Variants in BCOR observed in about 807,000 individuals in gnomAD.
The protein encoded by BCOR is BCL-6 corepressor.
Under a neutral mutation model 86.7 loss-of-function variants are expected in BCOR, and 10 were observed. The ratio of observed to expected loss-of-function variants is 0.12; its 90% CI spans 0.07 to 0.20. The LOEUF (loss-of-function observed/expected upper bound fraction) is 0.20. Among genes scored for constraint, BCOR ranks in the 10% least tolerant of loss-of-function variants. BCOR has a pLI of 1.00. For synonymous variants in BCOR, 611 were observed against 609.0 expected, an observed-to-expected ratio of 1.00 and a Z score of -0.05; for missense variants, 1,259 against 1,452.1, an observed-to-expected ratio of 0.87 and a Z score of 2.16.
chrX:40,158,084 T>C (rs1302831720), intron 1 of BCOR, among the ~76,000 whole-genome samples: 1 of 111,884 alleles, frequency 8.9e-6, no homozygotes, highest in African/African-American at 3.2e-5. Context: ...CACCCAGTGG[T>C]CCCCGCTGGT....
intron 1 of BCOR, among the ~76,000 whole-genome samples, chrX:40,157,055 G>C (rs931013077): frequency 6.2e-5 from 7 of 113,664 alleles, no homozygotes; most frequent in African/African-American, 1.9e-4. Flanking sequence ...CCTGGCTACA[G>C]TTTAGAAGTC....
intron 1 of BCOR, among the ~76,000 whole-genome samples, chrX:40,112,322 A>T (rs1937325798): frequency 9.0e-6 from 1 of 110,671 alleles, no homozygotes; most frequent in Non-Finnish European, 1.9e-5. Context: ...CCAAATCCCC[A>T]TATCAAACTT....
intron 1 of BCOR, among the ~76,000 whole-genome samples, chrX:40,157,358 C>T (rs188114156): frequency 1.8e-5 from 2 of 111,613 alleles, no homozygotes; most frequent in Admixed American, 1.9e-4. Flanking sequence ...AACAAAGTGC[C>T]GGGGGCTGCC....
At chrX:40,149,464 C>T (rs1310671585) in intron 1 of BCOR, among the ~76,000 whole-genome samples, 1 of 111,154 alleles carries the variant, frequency 9.0e-6, no homozygotes, top group Admixed American at 9.6e-5. Flanking sequence ...CTGAGCCCAG[C>T]GCCAGGGGAA....
chrX:40,083,844 C>A (rs1936227878), intron 1 of BCOR, among the ~76,000 whole-genome samples: 1 of 112,046 alleles, frequency 8.9e-6, no homozygotes, highest in Non-Finnish European at 1.9e-5. Flanking sequence ...AGTTCCCGAC[C>A]CTAGGTAACC....
At chrX:40,120,161 G>A (rs1244459267) in intron 1 of BCOR, among the ~76,000 whole-genome samples, 2 of 111,140 alleles carry the variant, frequency 1.8e-5, no homozygotes, top group South Asian at 3.7e-4. Flanking sequence ...GAGTGAAAGC[G>A]TGGAGTTGGC....
At chrX:40,105,497 C>G (rs1296708170) in intron 1 of BCOR, among the ~76,000 whole-genome samples, 2 of 112,106 alleles carry the variant, frequency 1.8e-5, no homozygotes, top group African/African-American at 6.5e-5. Flanking sequence ...CGGTGTAAGC[C>G]GAGAGGACCC....
Position 40,052,217 on chromosome X carries a change from A to G in BCOR, c.5160T>C (p.Ser1720=). ...ATTCCACCAGATCTAACAGCTCCTT[A>G]CTTTCAGGGTTGAAGGCTTCCAGGT... is the stretch of plus-strand genomic sequence containing the variant. The part of the protein sequence containing the change: ...SKDLEAFNPE[S]KELLDLVEFT... The change falls in exon 15 of 15, where the codon AGT becomes AGC. Residue 1720 remains serine (S), a synonymous_variant. Coordinates refer to ENST00000378444, the MANE Select transcript of BCOR (RefSeq NM_001123385.2). The G allele has an allele frequency of 1.7e-6, 2 of 1,211,725 alleles. No homozygotes were observed. The highest frequency in any genetic ancestry group is 3.5e-5 in the South Asian group (2 of 56,962).
At position 40,057,443 on chromosome X, in the gene BCOR, G is replaced by A. The variant is rs781698751; in HGVS notation, c.4429-122C>T. On this transcript the variant is annotated intron_variant, in intron 10 of 14. Coordinates refer to ENST00000378444, the MANE Select transcript of BCOR (RefSeq NM_001123385.2). ...CTGAGAACCTGAGAACCTCTCGGGC[G>A]GGCTGTGGATGTCTTGGTGAGGGGG... is the stretch of plus-strand genomic sequence containing the variant. The A allele has an allele frequency of 1.0e-4, 75 of 747,727 alleles. No individual in the cohort carries two copies. In the African/African-American group the frequency reaches 1.0e-3, roughly 10 times the overall value. The allele number at this position is 747,727 out of a possible 1,213,427, so 61.6% of individuals were successfully genotyped here.
Position 40,139,409 on chromosome X carries a change from ATATATAAT to A in BCOR, c.-41+37590_-41+37597del, listed in dbSNP as rs1232634682. 1.2e-4 allele frequency among the ~76,000 whole-genome samples: 2 copies of A among 16,562 alleles called. 1 individual carries two copies. The highest frequency in any genetic ancestry group is 1.7e-4 in the Non-Finnish European group (2 of 11,901). The allele number at this position is 16,562 out of a possible 115,157, so 14.4% of individuals were successfully genotyped here. A position where few individuals can be genotyped will look rare whatever the true frequency, so the allele number is the denominator to read the frequency against. Reference sequence around the variant, plus strand: ...AATATATATACATATATATATATATATATATAATATATATACATATATATATATATATA... The same window carrying A: ...AATATATATACATATATATATATATAATATATACATATATATATATATATA... On this transcript the variant is annotated intron_variant, in intron 1 of 14. Coordinates refer to the BCOR transcript ENST00000342274.
At chrX:40,060,318 G>A (rs780319624) in intron 10 of BCOR, among the ~76,000 whole-genome samples, 4 of 112,293 alleles carry the variant, frequency 3.6e-5, no homozygotes, top group Non-Finnish European at 7.5e-5. Context: ...TACATTTGAA[G>A]GGGAAAAGTT....
intron 1 of BCOR, among the ~76,000 whole-genome samples, chrX:40,086,327 A>G (rs1936355020): frequency 8.9e-6 from 1 of 112,730 alleles, no homozygotes; most frequent in African/African-American, 3.2e-5. Context: ...CTTTCCAACA[A>G]GCTTACTTAG....
chrX:40,144,561 A>G lies in BCOR; in HGVS notation c.-41+32446T>C, dbSNP rs749207996. On this transcript the variant is annotated intron_variant, in intron 1 of 14. Coordinates refer to the BCOR transcript ENST00000342274. ...CACATAAAAGCGATTTATTTTTCTTATCTTTTGGCTATTTTAAGTTGGAGT... is the reference window on the plus strand; with the variant it reads ...CACATAAAAGCGATTTATTTTTCTTGTCTTTTGGCTATTTTAAGTTGGAGT... Among the ~76,000 whole-genome samples, 217 of 112,283 alleles carry G rather than the reference A, an allele frequency of 1.9e-3. 1 individual carries two copies. The highest frequency in any genetic ancestry group is 4.9e-3 in the Admixed American group (52 of 10,592).
rs531585800 is a variant in BCOR, at chrX:40,074,089, T to C, written c.1257A>G (p.Lys419=). ...CCAACAGAGGAGGTGAGCTGCCATC[T>C]TTTCTGTCTTGAACCGCTGTCTTCC... ...HARKTAVQDR[K]DGSSPPLLEK... Residue 419 remains lysine, a synonymous_variant, in exon 4 of 15, where the codon AAA becomes AAG. Coordinates refer to ENST00000378444, the MANE Select transcript of BCOR (RefSeq NM_001123385.2). The C allele has an allele frequency of 5.0e-4, 601 of 1,210,852 alleles. 1 individual carries two copies. The South Asian group carries it at 9.8e-3, about 20-fold the overall frequency.
At chrX:40,066,252 T>C (rs1935196506) in intron 6 of BCOR, among the ~76,000 whole-genome samples, 3 of 111,710 alleles carry the variant, frequency 2.7e-5, no homozygotes, top group Admixed American at 9.5e-5. Flanking sequence ...GGTGGTGTTA[T>C]GTCACAGCAG....
At chrX:40,124,300 TCTCA>T (rs1937519375) in intron 1 of BCOR, among the ~76,000 whole-genome samples, 1 of 109,593 alleles carries the variant, frequency 9.1e-6, no homozygotes, top group Non-Finnish European at 1.9e-5. Context: ...TGAGACAGCA[TCTCA>T]CTCTGTCACC....
chrX:40,176,165 T>A (rs1270709202), intron 1 of BCOR, among the ~76,000 whole-genome samples: 2 of 112,870 alleles, frequency 1.8e-5, no homozygotes, highest in African/African-American at 6.4e-5. Flanking sequence ...GTGGGGCCGA[T>A]GGTTTGTCTG....
chrX:40,154,582 T>TC (rs919998652), intron 1 of BCOR, among the ~76,000 whole-genome samples: 6 of 92,997 alleles, frequency 6.5e-5, no homozygotes, highest in African/African-American at 2.0e-4. Context: ...TTTCTCTACG[T>TC]CCCCCCCACC....
At chrX:40,118,970 T>C (rs1334204523) in intron 1 of BCOR, among the ~76,000 whole-genome samples, 2 of 112,366 alleles carry the variant, frequency 1.8e-5, no homozygotes, top group Non-Finnish European at 1.9e-5. Context: ...GTAGCTGGGA[T>C]TACAGGCATG....
Sources: allele counts gnomAD v4.1 joint callset (sites outside exome capture counted in the v4.1 genomes callset), GRCh38; gene constraint gnomAD v4.1.1; transcripts MANE v1.5; gene names NCBI Gene and HGNC (gene_info 2026-07-23, HGNC 2026-07-21).